Variants in FOCAD observed in about 807,000 individuals in gnomAD.
FOCAD encodes the protein KIAA1797.
Under a neutral mutation model 225.6 loss-of-function variants are expected in FOCAD, and 198 were observed. That is an observed-to-expected ratio of 0.88 (90% confidence interval 0.78 to 0.99). The LOEUF (loss-of-function observed/expected upper bound fraction) is 0.99, where lower values mean the gene tolerates loss of function less well. FOCAD is among the 50% of genes least tolerant of loss of function. The pLI, the probability that FOCAD is intolerant of heterozygous loss-of-function variation, is 0.00. For missense variants in FOCAD, 2,713 were observed against 2,123.6 expected (o/e 1.28, Z -5.46); for synonymous variants, 897 against 755.0 (o/e 1.19, Z -3.08).
intron 2 of FOCAD, among the ~76,000 whole-genome samples, chr9:20,678,507 G>A (rs960072866): frequency 6.6e-6 from 1 of 152,208 alleles, no homozygotes; most frequent in Non-Finnish European, 1.5e-5. Context: ...CTAAGTTCTG[G>A]GGTGGTGTGT....
chr9:20,831,262 C>A (rs1434880729), intron 15 of FOCAD, among the ~76,000 whole-genome samples: 1 of 152,030 alleles, frequency 6.6e-6, no homozygotes, highest in East Asian at 1.9e-4. Context: ...GGCCAGTTAT[C>A]ATTTATTCAT....
chr9:20,750,198 A>G (rs541065240), intron 5 of FOCAD, among the ~76,000 whole-genome samples: 39 of 152,188 alleles, frequency 2.6e-4, no homozygotes, highest in Non-Finnish European at 4.7e-4. Flanking sequence ...ACATGAATCA[A>G]CCAGTTTAAG....
At chr9:20,995,140 G>A (rs972393882) in intron 43 of FOCAD, among the ~76,000 whole-genome samples, 1 of 151,868 alleles carries the variant, frequency 6.6e-6, no homozygotes, top group African/African-American at 2.4e-5. Context: ...CTTTATTATA[G>A]GTTCAGGTTA....
At chr9:20,794,345 C>G (rs967887049) in intron 11 of FOCAD, among the ~76,000 whole-genome samples, 5 of 152,100 alleles carry the variant, frequency 3.3e-5, no homozygotes, top group African/African-American at 1.2e-4. Flanking sequence ...ATGTGATTGC[C>G]ATAGTGTATA....
chr9:20,740,618 T>C (rs1563932188), intron 5 of FOCAD, among the ~76,000 whole-genome samples: 3 of 152,202 alleles, frequency 2.0e-5, no homozygotes, highest in Non-Finnish European at 2.9e-5. Flanking sequence ...CTCTAGAATA[T>C]GTAACCATCT....
intron 35 of FOCAD, among the ~76,000 whole-genome samples, chr9:20,972,735 T>C (rs188298395): frequency 2.4e-4 from 36 of 152,200 alleles, no homozygotes; most frequent in Non-Finnish European, 4.3e-4. Flanking sequence ...TTTCTGCTGA[T>C]TCCACATAGC....
At chr9:20,695,731 C>G (rs1823316022) in intron 1 of FOCAD, among the ~76,000 whole-genome samples, 1 of 152,162 alleles carries the variant, frequency 6.6e-6, no homozygotes, top group African/African-American at 2.4e-5. Context: ...ATTTTAAAAG[C>G]TATGTGGGAT....
At chr9:20,856,673 T>C (rs138998813) in intron 15 of FOCAD, among the ~76,000 whole-genome samples, 1 of 152,046 alleles carries the variant, frequency 6.6e-6, no homozygotes, top group Non-Finnish European at 1.5e-5. Flanking sequence ...TCCAGACTTA[T>C]GTCCTAGAAT....
intron 31 of FOCAD, 107 bp from the exon 32 acceptor site, chr9:20,948,744 G>T (rs969825666): frequency 1.3e-5 from 16 of 1,222,434 alleles, no homozygotes; most frequent in Non-Finnish European, 1.9e-5. Context: ...GACCCTATAA[G>T]TTTGGTACCA....
chr9:20,762,046 A>G (rs1829652189), intron 6 of FOCAD, among the ~76,000 whole-genome samples: 1 of 152,198 alleles, frequency 6.6e-6, no homozygotes, highest in African/African-American at 2.4e-5. Flanking sequence ...CTGATGTCAA[A>G]TCATAATGGC....
chr9:20,931,624 G>A (rs1316129476), intron 27 of FOCAD, among the ~76,000 whole-genome samples: 1 of 152,166 alleles, frequency 6.6e-6, no homozygotes, highest in East Asian at 1.9e-4. Flanking sequence ...AACAGAATTA[G>A]GACAATATGT....
intron 5 of FOCAD, among the ~76,000 whole-genome samples, chr9:20,743,661 A>G (rs775900787): frequency 8.5e-5 from 13 of 152,172 alleles, no homozygotes; most frequent in Non-Finnish European, 1.5e-4. Flanking sequence ...GCAGCGTGTT[A>G]AAAGTACAGC....
At chr9:20,855,491 ATATATT>A (rs1828084668) in intron 15 of FOCAD, among the ~76,000 whole-genome samples, 2 of 151,778 alleles carry the variant, frequency 1.3e-5, no homozygotes, top group African/African-American at 4.8e-5. Context: ...TAATAGTTGT[ATATATT>A]TATGGGATAC....
At chr9:20,728,622 C>A (rs1253734063) in intron 4 of FOCAD, among the ~76,000 whole-genome samples, 1 of 152,172 alleles carries the variant, frequency 6.6e-6, no homozygotes, top group East Asian at 1.9e-4. Flanking sequence ...TTGTCTCTTG[C>A]TACTGTGCTT....
At chr9:20,806,048 A>G (rs556686592) in intron 11 of FOCAD, among the ~76,000 whole-genome samples, 17 of 152,184 alleles carry the variant, frequency 1.1e-4, no homozygotes, top group Admixed American at 4.6e-4. Context: ...TCAAAAGCCA[A>G]TGAAGACGTA....
At chr9:20,797,476 A>G (rs938504700) in intron 11 of FOCAD, among the ~76,000 whole-genome samples, 18 of 151,914 alleles carry the variant, frequency 1.2e-4, no homozygotes, top group Non-Finnish European at 5.9e-5. Context: ...ATTTGTTTGT[A>G]TCCTCTTTTA....
intron 1 of FOCAD, among the ~76,000 whole-genome samples, chr9:20,690,955 A>C (rs1189819918): frequency 8.6e-6 from 1 of 116,450 alleles, no homozygotes. Flanking sequence ...CTTTATTTTT[A>C]TTTTTGAGAC....
chr9:20,940,651 T>G (rs1836554476), intron 28 of FOCAD, among the ~76,000 whole-genome samples: 2 of 152,200 alleles, frequency 1.3e-5, no homozygotes, highest in African/African-American at 4.8e-5. Context: ...AGCTAGGCAT[T>G]TTCACATCTG....
chr9:20,662,484 T>G (rs574889201), intron 2 of FOCAD, among the ~76,000 whole-genome samples: 47 of 152,302 alleles, frequency 3.1e-4, no homozygotes, highest in African/African-American at 6.7e-4. Context: ...AGGGCAATAT[T>G]AGCCTCCTAA....
Sources: allele counts gnomAD v4.1 joint callset (sites outside exome capture counted in the v4.1 genomes callset), GRCh38; gene constraint gnomAD v4.1.1; transcripts MANE v1.5; gene names NCBI Gene and HGNC (gene_info 2026-07-23, HGNC 2026-07-21).